The following PKP4 variants were observed in gnomAD, a reference collection of about 807,000 sequenced individuals.
The protein encoded by PKP4 is plakophilin-4.
A neutral mutation model predicts 145.1 loss-of-function variants in PKP4; 90 were observed. That is an observed-to-expected ratio of 0.62 (90% confidence interval 0.52 to 0.74). The LOEUF (loss-of-function observed/expected upper bound fraction) is 0.74. PKP4 is among the 30% of genes least tolerant of loss of function. The probability of loss-of-function intolerance (pLI) is 0.00; values close to 1 mark genes in which losing one functional copy is unlikely to be tolerated. For synonymous variants in PKP4, 563 were observed against 577.2 expected, an observed-to-expected ratio of 0.98 and a Z score of 0.35; for missense variants, 1,340 against 1,482.7, an observed-to-expected ratio of 0.90 and a Z score of 1.58.
At chr2:158,471,932 A>C (rs1159873081) in intron 1 of PKP4, among the ~76,000 whole-genome samples, 1 of 152,168 alleles carries the variant, frequency 6.6e-6, no homozygotes, top group African/African-American at 2.4e-5. Context: ...GTGGTTTCTG[A>C]AAGGTATAGA....
chr2:158,481,660 A>T (rs1313993715), intron 1 of PKP4, among the ~76,000 whole-genome samples: 3 of 152,146 alleles, frequency 2.0e-5, no homozygotes, highest in African/African-American at 7.2e-5. Flanking sequence ...GTATCTTTTC[A>T]TGTGCTTCTT....
intron 1 of PKP4, among the ~76,000 whole-genome samples, chr2:158,473,102 A>T (rs183333848): frequency 6.6e-6 from 1 of 152,222 alleles, no homozygotes; most frequent in Non-Finnish European, 1.5e-5. Flanking sequence ...TCAAAACCAC[A>T]ATGAGATACC....
At chr2:158,676,895 A>G (rs1465784876) in intron 20 of PKP4, 28 bp downstream of exon 20, 5 of 1,613,738 alleles carry the variant, frequency 3.1e-6, no homozygotes, top group African/African-American at 1.3e-5. Flanking sequence ...TGTGTGATAC[A>G]GTCTCTTGAA....
At chr2:158,559,401 G>A (rs2105731478) in intron 2 of PKP4, among the ~76,000 whole-genome samples, 1 of 152,126 alleles carries the variant, frequency 6.6e-6, no homozygotes, top group South Asian at 2.1e-4. Context: ...GCCTGAGGGA[G>A]GCAGGCAGGC....
intron 2 of PKP4, among the ~76,000 whole-genome samples, chr2:158,533,742 G>A (rs1203059544): frequency 3.3e-5 from 5 of 152,124 alleles, no homozygotes; most frequent in Admixed American, 1.3e-4. Flanking sequence ...TTGGATAAAG[G>A]CTATATTTGT....
intron 2 of PKP4, among the ~76,000 whole-genome samples, chr2:158,562,528 T>C (rs940555519): frequency 2.0e-5 from 3 of 152,164 alleles, no homozygotes; most frequent in African/African-American, 7.2e-5. Context: ...TTTGGGATGA[T>C]GAAAAAGTTC....
intron 2 of PKP4, among the ~76,000 whole-genome samples, chr2:158,566,230 A>C (rs1356158313): frequency 2.0e-5 from 3 of 152,172 alleles, no homozygotes; most frequent in Non-Finnish European, 4.4e-5. Context: ...AATTTATTAC[A>C]TCTACTGAGG....
Position 158,655,470 on chromosome 2 carries a change from A to G in PKP4, c.1910-2661A>G, listed in dbSNP as rs547277469. Among the ~76,000 whole-genome samples, 282 of 152,336 alleles carry G rather than the reference A, an allele frequency of 1.9e-3. 1 individual carries two copies. The highest frequency in any genetic ancestry group is 3.4e-3 in the Non-Finnish European group (230 of 68,032). Reference sequence around the variant, plus strand: ...TTCTAGGCATCAACTCCAGGATCCAATATGCTGAAAAACTACTCTTCTTCT... The same window carrying G: ...TTCTAGGCATCAACTCCAGGATCCAGTATGCTGAAAAACTACTCTTCTTCT... On this transcript the variant is annotated intron_variant, in intron 11 of 21. Coordinates refer to ENST00000389759, the MANE Select transcript of PKP4 (RefSeq NM_003628.6).
At chr2:158,534,993 G>T (rs941880013) in intron 2 of PKP4, among the ~76,000 whole-genome samples, 11 of 152,128 alleles carry the variant, frequency 7.2e-5, no homozygotes, top group African/African-American at 2.7e-4. Context: ...CCTATCCTGA[G>T]AAATTGGAGT....
chr2:158,605,218 G>A (rs1315088202), intron 4 of PKP4, among the ~76,000 whole-genome samples: 1 of 152,126 alleles, frequency 6.6e-6, no homozygotes, highest in Non-Finnish European at 1.5e-5. Flanking sequence ...CACGTCCTAG[G>A]AATATTTCGT....
At chr2:158,468,771 T>TTC (rs72220265) in intron 1 of PKP4, among the ~76,000 whole-genome samples, 24 of 2,288 alleles carry the variant, frequency 0.01, no homozygotes, top group East Asian at 0.045. Context: ...CTTCTTCTTC[T>TTC]TTTTTTTTTT....
intron 2 of PKP4, among the ~76,000 whole-genome samples, chr2:158,568,895 C>T (rs757668337): frequency 4.6e-5 from 7 of 152,124 alleles, no homozygotes; most frequent in South Asian, 2.1e-4. Flanking sequence ...ATCGCTTGAA[C>T]CCCGGAGGCA....
Position 158,676,713 on chromosome 2 carries a change from CTCTCCTCCTTT to C in PKP4, c.3128-25_3128-15del. 6.2e-7 allele frequency: 1 copy of C among 1,613,894 alleles called. No individual in the cohort carries two copies. Among genetic ancestry groups the C allele is most frequent in the Non-Finnish European group, 8.5e-7 (1 of 1,179,794 alleles). On this transcript the variant is annotated splice_polypyrimidine_tract_variant and intron_variant, in intron 19 of 21. Transcript: ENST00000389759. Reference sequence around the variant, plus strand: ...CTGATTTCTCTTTCTACCCCTCTTTCTCTCCTCCTTTGCCTCTCCCTTCAGTCGGCAGCACC... The same window carrying C: ...CTGATTTCTCTTTCTACCCCTCTTTCGCCTCTCCCTTCAGTCGGCAGCACC...
rs1475027079 is a variant in PKP4 at position 158,676,738 on chromosome 2, G to T, written c.3128-1G>T. 1 of 1,614,092 alleles carries T rather than the reference G, an allele frequency of 6.2e-7. No homozygotes were observed. ...CTCTCCTCCTTTGCCTCTCCCTTCA[G>T]TCGGCAGCACCTCTTCCTCACCAGC... On this transcript the variant is annotated splice_acceptor_variant, in intron 19 of 21. Transcript: ENST00000389759. LOFTEE classifies it high-confidence loss of function.
intron 1 of PKP4, among the ~76,000 whole-genome samples, chr2:158,528,248 C>G (rs922638704): frequency 2.0e-5 from 3 of 150,342 alleles, no homozygotes; most frequent in Non-Finnish European, 4.4e-5. Context: ...AAATGTCCAA[C>G]AATGATAGAC....
intron 1 of PKP4, among the ~76,000 whole-genome samples, chr2:158,463,412 G>GAAAAAAAAA (rs137946075): frequency 1.8e-5 from 2 of 113,436 alleles, no homozygotes; most frequent in Non-Finnish European, 1.8e-5. Context: ...GATCACAGTT[G>GAAAAAAAAA]AAAAAAAAAA....
intron 1 of PKP4, among the ~76,000 whole-genome samples, chr2:158,513,169 G>T (rs1345500155): frequency 6.6e-6 from 1 of 152,186 alleles, no homozygotes; most frequent in African/African-American, 2.4e-5. Flanking sequence ...TACATGTTAA[G>T]AGTCTGTTCC....
chr2:158,575,362 T>C (rs77111482), intron 2 of PKP4, among the ~76,000 whole-genome samples: 1 of 152,176 alleles, frequency 6.6e-6, no homozygotes, highest in East Asian at 1.9e-4. Context: ...CCCGTTCTGC[T>C]TTTGAGGGAA....
chr2:158,506,600 T>G (rs1285042177), intron 1 of PKP4, among the ~76,000 whole-genome samples: 1 of 152,230 alleles, frequency 6.6e-6, no homozygotes, highest in African/African-American at 2.4e-5. Context: ...TTGGTGATAG[T>G]TTCTACTCTC....
Sources: gnomAD v4.1 joint callset for allele counts (sites outside exome capture counted in the v4.1 genomes callset) on GRCh38, gnomAD v4.1.1 for gene constraint, MANE v1.5 for transcripts, NCBI Gene and HGNC (gene_info 2026-07-23, HGNC 2026-07-21) for gene names.